Variants in DCC observed in about 807,000 individuals in gnomAD.
DCC encodes DCC netrin 1 receptor.
In DCC, 58 loss-of-function variants were observed where a neutral mutation model predicts 172.5. The ratio of observed to expected loss-of-function variants is 0.34; its 90% CI spans 0.27 to 0.42. The LOEUF (loss-of-function observed/expected upper bound fraction) is 0.42, where lower values mean the gene tolerates loss of function less well. Among genes scored for constraint, DCC ranks in the 10% least tolerant of loss-of-function variants. The pLI is 1.00. For missense variants in DCC, 1,740 were observed against 1,791.0 expected (o/e 0.97, Z 0.51); for synonymous variants, 709 against 644.5 (o/e 1.10, Z -1.52).
chr18:53,381,212 T>G (rs1907702816), intron 15 of DCC, among the ~76,000 whole-genome samples: 1 of 76,064 alleles, frequency 1.3e-5, no homozygotes, highest in African/African-American at 4.1e-5. Context: ...AAGTAAGGTA[T>G]TTTTAATTTT....
At chr18:52,659,104 C>T (rs1457569266) in intron 1 of DCC, among the ~76,000 whole-genome samples, 1 of 152,076 alleles carries the variant, frequency 6.6e-6, no homozygotes, top group African/African-American at 2.4e-5. Flanking sequence ...TTTGCCCAGA[C>T]CAGATTTATC....
intron 2 of DCC, 102 bp downstream of exon 2, chr18:52,752,476 A>T: frequency 1.1e-6 from 1 of 910,902 alleles, no homozygotes; most frequent in Non-Finnish European, 1.7e-6. Context: ...TGTACATTTT[A>T]AAAATCTTTT....
At chr18:52,342,189 G>A (rs897174859) in intron 1 of DCC, among the ~76,000 whole-genome samples, 7 of 152,190 alleles carry the variant, frequency 4.6e-5, no homozygotes, top group African/African-American at 1.4e-4. Context: ...GGCCGCACGC[G>A]GGCAGGAATC....
intron 2 of DCC, among the ~76,000 whole-genome samples, chr18:52,799,812 GCAAT>G (rs1383696827): frequency 2.6e-5 from 4 of 152,234 alleles, no homozygotes; most frequent in African/African-American, 9.6e-5. Flanking sequence ...TTAATAACTA[GCAAT>G]ATAATAATAA....
At chr18:53,348,783 G>A (rs925408579) in intron 15 of DCC, among the ~76,000 whole-genome samples, 3 of 152,142 alleles carry the variant, frequency 2.0e-5, no homozygotes, top group African/African-American at 7.2e-5. Flanking sequence ...GCACCTTTCA[G>A]TCATGGCAGG....
chr18:52,503,066 C>T (rs2031093478), intron 1 of DCC, among the ~76,000 whole-genome samples: 1 of 152,166 alleles, frequency 6.6e-6, no homozygotes, highest in Non-Finnish European at 1.5e-5. Flanking sequence ...AGAGTCAAAT[C>T]AAATCACAGA....
Position 53,202,871 on chromosome 18 carries a change from G to A in DCC, c.1574-2345G>A, listed in dbSNP as rs144856409. ...ATGATGAACATTTTATTTATAAAAA[G>A]GGGCTAGATTCTTTAAAAATATCAG... On this transcript the variant is annotated intron_variant, in intron 9 of 28. Coordinates refer to ENST00000442544, the MANE Select transcript of DCC (RefSeq NM_005215.4). Among the ~76,000 whole-genome samples, 38 of 152,254 alleles carry A rather than the reference G, an allele frequency of 2.5e-4. No homozygotes were observed. In the East Asian group the frequency reaches 6.8e-3, roughly 27 times the overall value.
intron 1 of DCC, among the ~76,000 whole-genome samples, chr18:52,712,557 C>T (rs2036310704): frequency 6.6e-6 from 1 of 152,156 alleles, no homozygotes; most frequent in East Asian, 1.9e-4. Flanking sequence ...AGAATTCTCT[C>T]CATATTCCAT....
intron 21 of DCC, among the ~76,000 whole-genome samples, chr18:53,432,015 C>CA: frequency 6.6e-6 from 1 of 151,584 alleles, no homozygotes; most frequent in South Asian, 2.1e-4. Flanking sequence ...GTATGATATG[C>CA]AAAAAAGTAA....
At chr18:53,246,015 T>C (rs947122784) in intron 12 of DCC, among the ~76,000 whole-genome samples, 3 of 152,070 alleles carry the variant, frequency 2.0e-5, no homozygotes, top group Non-Finnish European at 2.9e-5. Flanking sequence ...GGTTCCTACC[T>C]AACACCATGT....
chr18:52,617,690 A>C (rs2034409211), intron 1 of DCC, among the ~76,000 whole-genome samples: 1 of 152,070 alleles, frequency 6.6e-6, no homozygotes, highest in African/African-American at 2.4e-5. Flanking sequence ...TTGCTTTCTT[A>C]CCGTTCTCTT....
chr18:53,124,059 T>A (rs2043520555), intron 7 of DCC, among the ~76,000 whole-genome samples: 2 of 152,048 alleles, frequency 1.3e-5, no homozygotes, highest in Non-Finnish European at 2.9e-5. Context: ...TTTTAAATAT[T>A]TTACAGAAAA....
At chr18:52,660,181 G>A (rs918392949) in intron 1 of DCC, among the ~76,000 whole-genome samples, 1 of 152,048 alleles carries the variant, frequency 6.6e-6, no homozygotes, top group Non-Finnish European at 1.5e-5. Context: ...TAAAAGGAGA[G>A]GTGAAGGAAA....
intron 2 of DCC, among the ~76,000 whole-genome samples, chr18:52,764,192 T>C (rs2145153619): frequency 6.6e-6 from 1 of 152,348 alleles, no homozygotes. Flanking sequence ...ACTGAGCATA[T>C]AGAGCTGGGT....
chr18:53,492,990 A>G (rs2045976575), intron 26 of DCC, among the ~76,000 whole-genome samples: 1 of 152,014 alleles, frequency 6.6e-6, no homozygotes, highest in Admixed American at 6.6e-5. Flanking sequence ...GTCCTCTCTT[A>G]TTTCCTTGAG....
chr18:53,406,096 A>G (rs1909634720), intron 19 of DCC, among the ~76,000 whole-genome samples: 1 of 152,170 alleles, frequency 6.6e-6, no homozygotes, highest in Admixed American at 6.5e-5. Context: ...AGTGCCCAAC[A>G]CTATTTAAGA....
intron 20 of DCC, among the ~76,000 whole-genome samples, chr18:53,413,857 A>C (rs1172122296): frequency 6.6e-6 from 1 of 152,170 alleles, no homozygotes; most frequent in African/African-American, 2.4e-5. Flanking sequence ...ACCTTGACAT[A>C]TCTTGTCAAG....
chr18:52,819,021 T>G (rs2038355455), intron 2 of DCC, among the ~76,000 whole-genome samples: 2 of 152,276 alleles, frequency 1.3e-5, no homozygotes, highest in Non-Finnish European at 2.9e-5. Flanking sequence ...TAAGTGAACA[T>G]CATAAAACTG....
chr18:52,757,771 T>C (rs575790150), intron 2 of DCC, among the ~76,000 whole-genome samples: 6 of 152,312 alleles, frequency 3.9e-5, no homozygotes, highest in Non-Finnish European at 8.8e-5. Flanking sequence ...TGAATCTCTA[T>C]ACATTACCTT....
Sources: gnomAD v4.1 joint callset for allele counts (sites outside exome capture counted in the v4.1 genomes callset) on GRCh38, gnomAD v4.1.1 for gene constraint, MANE v1.5 for transcripts, NCBI Gene and HGNC (gene_info 2026-07-23, HGNC 2026-07-21) for gene names.